The following CACNA1E variants were observed in gnomAD, a reference collection of about 807,000 sequenced individuals.
CACNA1E encodes voltage-dependent R-type calcium channel subunit alpha-1E.
CACNA1E carries 40 observed loss-of-function variants against 259.2 expected under a neutral mutation model. That is an observed-to-expected ratio of 0.15 (90% confidence interval 0.12 to 0.20). CACNA1E has a LOEUF of 0.20. CACNA1E is among the 10% of genes least tolerant of loss of function. The pLI, the probability that CACNA1E is intolerant of heterozygous loss-of-function variation, is 1.00. For synonymous variants in CACNA1E, 1,104 were observed against 1,138.5 expected (o/e 0.97, Z 0.61); for missense variants, 1,874 against 3,040.1 (o/e 0.62, Z 9.02).
intron 7 of CACNA1E, among the ~76,000 whole-genome samples, chr1:181,664,029 C>A: frequency 6.6e-6 from 1 of 152,112 alleles, no homozygotes; most frequent in Non-Finnish European, 1.5e-5. Context: ...AACAGTTATT[C>A]TTTTTTATTT....
intron 17 of CACNA1E, among the ~76,000 whole-genome samples, chr1:181,725,184 C>A (rs907742751): frequency 6.6e-6 from 1 of 152,212 alleles, no homozygotes. Flanking sequence ...TGCATAGCAT[C>A]CTGCTGACAT....
intron 12 of CACNA1E, among the ~76,000 whole-genome samples, chr1:181,718,984 C>T (rs979251631): frequency 4.6e-5 from 7 of 152,202 alleles, no homozygotes; most frequent in African/African-American, 1.7e-4. Flanking sequence ...TCTGCCAAAG[C>T]TTCAGTTAGG....
intron 1 of CACNA1E, among the ~76,000 whole-genome samples, chr1:181,360,080 A>G (rs1571659043): frequency 6.6e-6 from 1 of 152,282 alleles, no homozygotes; most frequent in Middle Eastern, 3.4e-3. Flanking sequence ...TGCTGCTTCC[A>G]TGACACCTCG....
At chr1:181,719,650 C>T in intron 12 of CACNA1E, 101 bp from the exon 13 acceptor site, 1 of 570,944 alleles carries the variant, frequency 1.8e-6, no homozygotes, top group Non-Finnish European at 3.1e-6. Flanking sequence ...TTTTTATTTC[C>T]CCATCCCCCA....
At chr1:181,516,165 A>T (rs17494730) in intron 3 of CACNA1E, among the ~76,000 whole-genome samples, 1 of 151,656 alleles carries the variant, frequency 6.6e-6, no homozygotes, top group East Asian at 2.0e-4. Flanking sequence ...TCTCCTGAGA[A>T]TTGCTTCCTG....
At chr1:181,773,635 C>G (rs1659717219) in intron 37 of CACNA1E, among the ~76,000 whole-genome samples, 1 of 152,192 alleles carries the variant, frequency 6.6e-6, no homozygotes, top group Non-Finnish European at 1.5e-5. Context: ...TTGTGAGGTT[C>G]ACTCTCAGCA....
At chr1:181,529,672 A>T (rs1046312018) in intron 3 of CACNA1E, among the ~76,000 whole-genome samples, 10 of 152,156 alleles carry the variant, frequency 6.6e-5, no homozygotes, top group African/African-American at 2.4e-4. Context: ...GTCAAAGGAG[A>T]TCATTTTGGA....
chr1:181,421,920 G>C (rs1023651974), intron 2 of CACNA1E, among the ~76,000 whole-genome samples: 1 of 152,046 alleles, frequency 6.6e-6, no homozygotes, highest in African/African-American at 2.4e-5. Context: ...AACTCTTTTT[G>C]CTGGCTCATA....
chr1:181,651,385 C>T lies in CACNA1E; in HGVS notation c.999C>T (p.Pro333=), dbSNP rs758021122. Residue 333 remains proline, a synonymous_variant, in exon 7 of 48, where the codon CCC becomes CCT. Coordinates refer to ENST00000367573, the MANE Select transcript of CACNA1E (RefSeq NM_001205293.3). ...CCTGGAATTGGCTGTACTTCATCCC[C>T]CTCATCATCATTGGATCCTTCTTTG... ...GATWNWLYFI[P]LIIIGSFFVL... is the part of the protein sequence containing the mutation. The T allele has an allele frequency of 3.1e-6, 5 of 1,612,492 alleles. No homozygotes were observed. The highest frequency in any genetic ancestry group is 4.2e-6 in the Non-Finnish European group (5 of 1,178,630).
chr1:181,425,996 C>A (rs1235323981), intron 2 of CACNA1E, among the ~76,000 whole-genome samples: 1 of 152,146 alleles, frequency 6.6e-6, no homozygotes, highest in Non-Finnish European at 1.5e-5. Flanking sequence ...GATGAGGAAC[C>A]TGCAACCCTT....
intron 1 of CACNA1E, among the ~76,000 whole-genome samples, chr1:181,354,551 G>A (rs200109205): frequency 1.5e-4 from 23 of 152,178 alleles, no homozygotes; most frequent in South Asian, 8.3e-4. Flanking sequence ...GTTTCCTGTG[G>A]TTAGAAGGGT....
chr1:181,377,915 T>C (rs1399894138), intron 1 of CACNA1E, among the ~76,000 whole-genome samples: 1 of 152,238 alleles, frequency 6.6e-6, no homozygotes, highest in African/African-American at 2.4e-5. Flanking sequence ...CTCTTTGGAT[T>C]TATTGAAGCC....
chr1:181,330,539 C>T (rs1651179828), intron 1 of CACNA1E, among the ~76,000 whole-genome samples: 1 of 152,216 alleles, frequency 6.6e-6, no homozygotes, highest in Admixed American at 6.5e-5. Context: ...AACTCCGACC[C>T]CAGATTCTGT....
At chr1:181,704,712 A>G (rs1652621679) in intron 7 of CACNA1E, among the ~76,000 whole-genome samples, 1 of 152,184 alleles carries the variant, frequency 6.6e-6, no homozygotes, top group Non-Finnish European at 1.5e-5. Flanking sequence ...CACACAGGCC[A>G]GCCCATCCTG....
At chr1:181,364,215 TG>T (rs1654097052) in intron 1 of CACNA1E, among the ~76,000 whole-genome samples, 1 of 152,236 alleles carries the variant, frequency 6.6e-6, no homozygotes, top group African/African-American at 2.4e-5. Context: ...ACTCTTCCAT[TG>T]AACTCTACAT....
intron 2 of CACNA1E, among the ~76,000 whole-genome samples, chr1:181,452,419 C>T (rs1383064170): frequency 6.6e-6 from 1 of 152,128 alleles, no homozygotes; most frequent in Non-Finnish European, 1.5e-5. Context: ...GTCTTTAGAT[C>T]CAAAGTTTGA....
intron 10 of CACNA1E, among the ~76,000 whole-genome samples, chr1:181,716,696 A>T (rs761607897): frequency 2.0e-5 from 3 of 152,260 alleles, no homozygotes; most frequent in Non-Finnish European, 4.4e-5. Context: ...TCAAAAGCAG[A>T]AGAGACTTAC....
chr1:181,557,790 G>A lies in CACNA1E; in HGVS notation c.513-19976G>A, dbSNP rs369673490. 6.6e-5 allele frequency among the ~76,000 whole-genome samples: 10 copies of A among 152,286 alleles called. No homozygotes were observed. The East Asian group carries it at 1.2e-3, about 18-fold the overall frequency. On this transcript the variant is annotated intron_variant, in intron 3 of 47. Transcript: ENST00000367573. ...GAGGAGGGGGCAGAGCTGGCTCAGCGGCACTCTGTGGGGAAAGGACTCGGG... is the reference window on the plus strand; with the variant it reads ...GAGGAGGGGGCAGAGCTGGCTCAGCAGCACTCTGTGGGGAAAGGACTCGGG...
chr1:181,731,891 T>G (rs1188135634), intron 19 of CACNA1E, among the ~76,000 whole-genome samples: 1 of 152,062 alleles, frequency 6.6e-6, no homozygotes, highest in Non-Finnish European at 1.5e-5. Flanking sequence ...CTGGCACTCT[T>G]CTTACCCTTC....
Sources: gnomAD v4.1 joint callset for allele counts (sites outside exome capture counted in the v4.1 genomes callset) on GRCh38, gnomAD v4.1.1 for gene constraint, MANE v1.5 for transcripts, NCBI Gene and HGNC (gene_info 2026-07-23, HGNC 2026-07-21) for gene names.